The following GRM3 variants were observed in gnomAD, a reference collection of about 807,000 sequenced individuals.
GRM3 encodes the protein glutamate metabotropic receptor 3.
Under a neutral mutation model 70.5 loss-of-function variants are expected in GRM3, and 26 were observed. That is an observed-to-expected ratio of 0.37 (90% CI 0.27 to 0.51). The LOEUF is 0.51. GRM3 is among the 20% of genes least tolerant of loss of function. GRM3 has a pLI of 0.93. For synonymous variants in GRM3, 443 were observed against 434.9 expected, an observed-to-expected ratio of 1.02 and a Z score of -0.23; for missense variants, 859 against 1,123.8, an observed-to-expected ratio of 0.76 and a Z score of 3.37.
intron 2 of GRM3, among the ~76,000 whole-genome samples, chr7:86,772,240 C>A (rs1796763710): frequency 6.6e-6 from 1 of 152,018 alleles, no homozygotes; most frequent in African/African-American, 2.4e-5. Flanking sequence ...TTGATAAGAA[C>A]TGAAAGATGT....
chr7:86,791,749 CT>C (rs370226565), intron 3 of GRM3, among the ~76,000 whole-genome samples: 4 of 152,098 alleles, frequency 2.6e-5, no homozygotes, highest in African/African-American at 9.7e-5. Context: ...AGTATGTTTC[CT>C]TTTTTTATTT....
chr7:86,860,699 T>C (rs1190955925), intron 5 of GRM3, among the ~76,000 whole-genome samples: 2 of 152,214 alleles, frequency 1.3e-5, no homozygotes, highest in Admixed American at 6.5e-5. Context: ...TCCATGATGA[T>C]GTCCATGGGG....
At chr7:86,728,707 G>A (rs1336482391) in intron 1 of GRM3, among the ~76,000 whole-genome samples, 2 of 152,068 alleles carry the variant, frequency 1.3e-5, no homozygotes, top group Non-Finnish European at 2.9e-5. Flanking sequence ...TCCTTCATTT[G>A]CCACACACAG....
intron 1 of GRM3, among the ~76,000 whole-genome samples, chr7:86,741,538 A>G (rs1379252075): frequency 2.0e-5 from 3 of 152,162 alleles, no homozygotes; most frequent in African/African-American, 7.2e-5. Flanking sequence ...TAGATGATGA[A>G]CTGGTGTGAG....
At chr7:86,763,128 G>A (rs570073854) in intron 1 of GRM3, among the ~76,000 whole-genome samples, 1 of 152,248 alleles carries the variant, frequency 6.6e-6, no homozygotes, top group African/African-American at 2.4e-5. Flanking sequence ...GCTAACATTT[G>A]CTAATTTATC....
At chr7:86,703,499 A>G (rs1794991247) in intron 1 of GRM3, among the ~76,000 whole-genome samples, 1 of 152,020 alleles carries the variant, frequency 6.6e-6, no homozygotes, top group Non-Finnish European at 1.5e-5. Flanking sequence ...ATTGAAACAC[A>G]TCAGAAGAGT....
intron 4 of GRM3, among the ~76,000 whole-genome samples, chr7:86,843,060 A>G (rs1006948014): frequency 6.6e-6 from 1 of 152,084 alleles, no homozygotes; most frequent in Non-Finnish European, 1.5e-5. Flanking sequence ...TCATTTAGAT[A>G]ATGTTTAAGG....
At chr7:86,737,666 T>G (rs1341834328) in intron 1 of GRM3, among the ~76,000 whole-genome samples, 1 of 152,218 alleles carries the variant, frequency 6.6e-6, no homozygotes, top group African/African-American at 2.4e-5. Flanking sequence ...AAAAAAATTA[T>G]TGTTTGCCAC....
At chr7:86,711,483 A>T (rs535726473) in intron 1 of GRM3, among the ~76,000 whole-genome samples, 2 of 151,998 alleles carry the variant, frequency 1.3e-5, no homozygotes, top group Non-Finnish European at 2.9e-5. Flanking sequence ...AAATTCCTTC[A>T]TCATTTCCTT....
intron 1 of GRM3, among the ~76,000 whole-genome samples, chr7:86,741,913 C>A (rs1025836040): frequency 3.3e-5 from 5 of 152,172 alleles, no homozygotes; most frequent in African/African-American, 1.2e-4. Flanking sequence ...AGTAGTACTT[C>A]TCAGTTGTTC....
chr7:86,774,230 T>G (rs1562857468), intron 2 of GRM3, among the ~76,000 whole-genome samples: 2 of 152,130 alleles, frequency 1.3e-5, no homozygotes, highest in Non-Finnish European at 2.9e-5. Flanking sequence ...GTTAGCAGTT[T>G]ATAATAATGA....
rs1441078523 is a variant in GRM3 at position 86,726,681 on chromosome 7, CAAAT to C, written c.-140-38322_-140-38319del. 7.9e-5 allele frequency among the ~76,000 whole-genome samples: 12 copies of C among 152,272 alleles called. No individual in the cohort carries two copies. The East Asian group carries it at 2.3e-3, about 29-fold the overall frequency. On this transcript the variant is annotated intron_variant, in intron 1 of 5. Coordinates refer to ENST00000361669, the MANE Select transcript of GRM3 (RefSeq NM_000840.3). ...CACTTTTCACTCATTTTCCTCATCT[CAAAT>C]AAGTTACTTTTCAAGCACATAGTTA...
chr7:86,787,321 C>T (rs1264951070), intron 3 of GRM3, among the ~76,000 whole-genome samples: 2 of 152,202 alleles, frequency 1.3e-5, no homozygotes, highest in African/African-American at 4.8e-5. Flanking sequence ...TGGTACACGA[C>T]ATGGCAATGA....
At chr7:86,854,411 C>T (rs925912019) in intron 5 of GRM3, among the ~76,000 whole-genome samples, 1 of 152,006 alleles carries the variant, frequency 6.6e-6, no homozygotes, top group Non-Finnish European at 1.5e-5. Flanking sequence ...CAGTAGCAGA[C>T]ATGAAAGAAT....
intron 5 of GRM3, among the ~76,000 whole-genome samples, chr7:86,864,081 A>ATAGATG (rs1367737594): frequency 0.01 from 1,559 of 151,606 alleles, 34 homozygotes; most frequent in African/African-American, 0.036. Flanking sequence ...TACATGAGTA[A>ATAGATG]GTTCTTTAGT....
chr7:86,749,434 C>A (rs1377067869), intron 1 of GRM3, among the ~76,000 whole-genome samples: 1 of 152,042 alleles, frequency 6.6e-6, no homozygotes, highest in Non-Finnish European at 1.5e-5. Context: ...AAGGTTATTA[C>A]CCCATATGTA....
At chr7:86,725,863 G>A (rs930435801) in intron 1 of GRM3, among the ~76,000 whole-genome samples, 1 of 152,148 alleles carries the variant, frequency 6.6e-6, no homozygotes, top group Non-Finnish European at 1.5e-5. Context: ...GAAGAAGGGG[G>A]AAGGAGGAAG....
chr7:86,844,440 G>T (rs1584276353), intron 4 of GRM3, among the ~76,000 whole-genome samples: 1 of 152,304 alleles, frequency 6.6e-6, no homozygotes, highest in East Asian at 1.9e-4. Context: ...AAATAGGCAG[G>T]AGAGTTAAAT....
At chr7:86,700,778 A>C (rs1794930501) in intron 1 of GRM3, among the ~76,000 whole-genome samples, 1 of 151,914 alleles carries the variant, frequency 6.6e-6, no homozygotes, top group Admixed American at 6.6e-5. Context: ...AGTTACTTAA[A>C]AGAAATTATT....
Sources: gnomAD v4.1 joint callset for allele counts (sites outside exome capture counted in the v4.1 genomes callset) on GRCh38, gnomAD v4.1.1 for gene constraint, MANE v1.5 for transcripts, NCBI Gene and HGNC (gene_info 2026-07-23, HGNC 2026-07-21) for gene names.